Variants in CTNNA3 observed in about 807,000 individuals in gnomAD.
The protein encoded by CTNNA3 is catenin alpha-3.
In CTNNA3, 76 loss-of-function variants were observed where a neutral mutation model predicts 95.7. The observed-to-expected ratio is 0.79, with a 90% CI of 0.66 to 0.96. The LOEUF (loss-of-function observed/expected upper bound fraction) is 0.96. CTNNA3 is among the 40% of genes least tolerant of loss of function. The pLI, the probability that CTNNA3 is intolerant of heterozygous loss-of-function variation, is 0.00. For missense variants in CTNNA3, 1,191 were observed against 1,089.8 expected (o/e 1.09, Z -1.31); for synonymous variants, 431 against 374.4 (o/e 1.15, Z -1.74).
chr10:66,438,012 G>A (rs1015170433), intron 11 of CTNNA3, among the ~76,000 whole-genome samples: 7 of 152,116 alleles, frequency 4.6e-5, no homozygotes, highest in South Asian at 2.1e-4. Flanking sequence ...GTTTGCCTAC[G>A]TATCACCAGT....
chr10:66,178,502 C>T (rs1412820650), intron 13 of CTNNA3, among the ~76,000 whole-genome samples: 1 of 142,212 alleles, frequency 7.0e-6, no homozygotes, highest in Non-Finnish European at 1.5e-5. Context: ...CATACACACA[C>T]CCCTTAAGAG....
intron 7 of CTNNA3, among the ~76,000 whole-genome samples, chr10:66,929,287 T>C (rs1847240298): frequency 6.6e-6 from 1 of 152,146 alleles, no homozygotes; most frequent in Non-Finnish European, 1.5e-5. Context: ...ACACCTCACA[T>C]TAGTTAGGGA....
At chr10:66,225,540 G>A (rs971485555) in intron 13 of CTNNA3, among the ~76,000 whole-genome samples, 2 of 150,868 alleles carry the variant, frequency 1.3e-5, no homozygotes, top group Non-Finnish European at 3.0e-5. Context: ...TAATAAATAT[G>A]GGGATACATA....
intron 1 of CTNNA3, among the ~76,000 whole-genome samples, chr10:67,732,562 A>T (rs1181957648): frequency 6.6e-6 from 1 of 152,236 alleles, no homozygotes. Context: ...GGACAAAAAC[A>T]TAACCCTTCA....
intron 1 of CTNNA3, chr10:67,750,750 C>T (rs753462330): frequency 6.3e-7 from 1 of 1,596,210 alleles, no homozygotes; most frequent in Non-Finnish European, 8.6e-7. Context: ...TGGTGAAAGC[C>T]CTTGGGGTCT....
intron 7 of CTNNA3, among the ~76,000 whole-genome samples, chr10:66,956,902 GC>G (rs1452901567): frequency 6.6e-6 from 1 of 152,192 alleles, no homozygotes; most frequent in Non-Finnish European, 1.5e-5. Flanking sequence ...GAGTTTAGAA[GC>G]TTTTTGGGGA....
At chr10:66,978,449 C>A (rs1251364473) in intron 7 of CTNNA3, among the ~76,000 whole-genome samples, 1 of 143,706 alleles carries the variant, frequency 7.0e-6, no homozygotes, top group African/African-American at 2.6e-5. Context: ...ATCACTTTAA[C>A]CTGGGAGGCG....
chr10:67,093,421 A>C (rs916434075), intron 7 of CTNNA3, among the ~76,000 whole-genome samples: 3 of 151,976 alleles, frequency 2.0e-5, no homozygotes, highest in African/African-American at 7.2e-5. Flanking sequence ...CATGTTAATA[A>C]AAATTAGGTA....
intron 13 of CTNNA3, among the ~76,000 whole-genome samples, chr10:66,133,633 G>T (rs2083226797): frequency 6.7e-6 from 1 of 150,104 alleles, no homozygotes; most frequent in African/African-American, 2.4e-5. Flanking sequence ...AGCCCAATTA[G>T]AAATGAAAAT....
chr10:67,136,427 A>T (rs1779561749), intron 7 of CTNNA3, among the ~76,000 whole-genome samples: 2 of 152,266 alleles, frequency 1.3e-5, no homozygotes, highest in Admixed American at 6.5e-5. Flanking sequence ...TAGAATTTTT[A>T]GAAAGTTAAT....
At chr10:67,237,182 A>ACAC in intron 5 of CTNNA3, among the ~76,000 whole-genome samples, 3 of 133,690 alleles carry the variant, frequency 2.2e-5, no homozygotes, top group African/African-American at 5.4e-5. Flanking sequence ...ATACACACAC[A>ACAC]ATGGAATACT....
intron 5 of CTNNA3, among the ~76,000 whole-genome samples, chr10:67,335,798 A>G (rs1332530279): frequency 2.6e-5 from 4 of 152,092 alleles, no homozygotes; most frequent in Non-Finnish European, 5.9e-5. Context: ...CCAAGAACCT[A>G]TCGACAACGT....
chr10:67,166,069 G>T (rs1234933202), intron 7 of CTNNA3, among the ~76,000 whole-genome samples: 1 of 152,108 alleles, frequency 6.6e-6, no homozygotes. Context: ...ACTTAAAATT[G>T]CCAAGGAGGA....
At chr10:66,115,524 TGATAGATAGATAGATAGATA>T (rs71035110) in intron 13 of CTNNA3, among the ~76,000 whole-genome samples, 4 of 137,526 alleles carry the variant, frequency 2.9e-5, no homozygotes, top group African/African-American at 8.5e-5. Flanking sequence ...GATAGATAGA[TGATAGATAGATAGATAGATA>T]GATAGATAGA....
intron 2 of CTNNA3, among the ~76,000 whole-genome samples, chr10:67,613,470 G>A (rs1300557868): frequency 2.6e-5 from 4 of 152,096 alleles, no homozygotes; most frequent in Non-Finnish European, 5.9e-5. Context: ...AGAATGGGTT[G>A]CTACAGCAAA....
chr10:66,990,861 T>C (rs893122204), intron 7 of CTNNA3, among the ~76,000 whole-genome samples: 1 of 152,202 alleles, frequency 6.6e-6, no homozygotes, highest in African/African-American at 2.4e-5. Flanking sequence ...CATGGGCATC[T>C]TTAGCATGTC....
intron 9 of CTNNA3, among the ~76,000 whole-genome samples, chr10:66,634,941 G>A (rs1443847981): frequency 6.6e-6 from 1 of 152,062 alleles, no homozygotes; most frequent in Non-Finnish European, 1.5e-5. Flanking sequence ...AGAAATATAT[G>A]TTACATAGCT....
intron 17 of CTNNA3, among the ~76,000 whole-genome samples, chr10:65,951,923 A>G (rs972918533): frequency 4.6e-5 from 7 of 150,592 alleles, no homozygotes; most frequent in East Asian, 2.0e-4. Context: ...CCAGCTACTT[A>G]GGAGGCTGAG....
chr10:67,509,604 G>C (rs1589373586), intron 5 of CTNNA3, among the ~76,000 whole-genome samples: 1 of 152,110 alleles, frequency 6.6e-6, no homozygotes, highest in Admixed American at 6.5e-5. Flanking sequence ...ATGAATATTT[G>C]GGTTGGTTCC....
Sources: allele counts gnomAD v4.1 joint callset (sites outside exome capture counted in the v4.1 genomes callset), GRCh38; gene constraint gnomAD v4.1.1; transcripts MANE v1.5; gene names NCBI Gene and HGNC (gene_info 2026-07-23, HGNC 2026-07-21).